Variants in KAZN observed in about 807,000 individuals in gnomAD.
KAZN encodes kazrin, periplakin interacting protein, also known as kazrin.
A neutral mutation model predicts 87.4 loss-of-function variants in KAZN; 40 were observed. That is an observed-to-expected ratio of 0.46 (90% confidence interval 0.36 to 0.60). The LOEUF (loss-of-function observed/expected upper bound fraction) is 0.60. KAZN is among the 20% of genes least tolerant of loss of function. KAZN has a pLI of 0.00. For missense variants in KAZN, 898 were observed against 1,073.9 expected (o/e 0.84, Z 2.29); for synonymous variants, 466 against 458.3 (o/e 1.02, Z -0.22).
intron 13 of KAZN, chr1:15,112,080 G>A: frequency 3.3e-6 from 1 of 299,354 alleles, no homozygotes; most frequent in Non-Finnish European, 6.3e-6. Context: ...AAGGTTCACA[G>A]TACACTGAAG....
intron 1 of KAZN, among the ~76,000 whole-genome samples, chr1:14,123,657 G>A (rs914093683): frequency 1.3e-5 from 2 of 152,168 alleles, no homozygotes; most frequent in South Asian, 2.1e-4. Flanking sequence ...CTGGATGGCC[G>A]CAATCACCTG....
At chr1:14,209,245 G>T (rs1461219299) in intron 2 of KAZN, among the ~76,000 whole-genome samples, 2 of 152,186 alleles carry the variant, frequency 1.3e-5, no homozygotes, top group Non-Finnish European at 2.9e-5. Context: ...TAGTACATCA[G>T]CTCCATTCCA....
At chr1:14,665,132 A>T (rs1034051201) in intron 1 of KAZN, among the ~76,000 whole-genome samples, 2 of 152,082 alleles carry the variant, frequency 1.3e-5, no homozygotes. Flanking sequence ...GGTCCTTTCC[A>T]CTTAGATACC....
intron 1 of KAZN, among the ~76,000 whole-genome samples, chr1:14,705,581 A>G (rs1416087063): frequency 1.3e-5 from 2 of 152,306 alleles, no homozygotes; most frequent in East Asian, 3.9e-4. Context: ...TATATACATA[A>G]TGGAATACTA....
At chr1:14,810,262 A>C (rs1646366146) in intron 1 of KAZN, among the ~76,000 whole-genome samples, 1 of 152,016 alleles carries the variant, frequency 6.6e-6, no homozygotes, top group Non-Finnish European at 1.5e-5. Context: ...TTCCTAAGGG[A>C]GCACCGCACC....
At chr1:14,535,694 T>G in intron 2 of KAZN, among the ~76,000 whole-genome samples, 1 of 151,956 alleles carries the variant, frequency 6.6e-6, no homozygotes, top group South Asian at 2.1e-4. Context: ...AAAAAATAAA[T>G]TTAAAAAAGA....
chr1:14,252,307 C>A (rs1314748110), intron 2 of KAZN, among the ~76,000 whole-genome samples: 1 of 152,164 alleles, frequency 6.6e-6, no homozygotes, highest in East Asian at 1.9e-4. Flanking sequence ...ACTTGGAGTT[C>A]ACACTACCCA....
At chr1:14,173,001 C>G (rs4420076) in intron 1 of KAZN, among the ~76,000 whole-genome samples, 18,684 of 152,118 alleles carry the variant, frequency 0.12, 1,268 homozygotes, top group East Asian at 0.33. Context: ...TGGGCAGAAG[C>G]TGCAAGACCT....
At chr1:14,518,714 C>G (rs956239404) in intron 2 of KAZN, among the ~76,000 whole-genome samples, 1 of 152,232 alleles carries the variant, frequency 6.6e-6, no homozygotes, top group African/African-American at 2.4e-5. Flanking sequence ...CACTACCACA[C>G]TGTGTGTCCT....
intron 1 of KAZN, among the ~76,000 whole-genome samples, chr1:14,073,780 G>A (rs1054408772): frequency 5.1e-4 from 77 of 152,212 alleles, no homozygotes; most frequent in African/African-American, 1.8e-3. Context: ...GTGCCACATT[G>A]TCTTTATCCA....
At chr1:14,417,643 G>A (rs945069258) in intron 2 of KAZN, among the ~76,000 whole-genome samples, 1 of 152,098 alleles carries the variant, frequency 6.6e-6, no homozygotes, top group Non-Finnish European at 1.5e-5. Flanking sequence ...CCCTAGGAAA[G>A]AACAGCCTTG....
At chr1:15,074,577 A>C (rs557140922) in intron 8 of KAZN, among the ~76,000 whole-genome samples, 36 of 152,332 alleles carry the variant, frequency 2.4e-4, no homozygotes, top group Non-Finnish European at 4.9e-4. Context: ...CCCCTTCTGG[A>C]AGTCTATAAG....
chr1:14,225,177 T>G (rs1375991141), intron 2 of KAZN, among the ~76,000 whole-genome samples: 1 of 152,132 alleles, frequency 6.6e-6, no homozygotes, highest in Non-Finnish European at 1.5e-5. Flanking sequence ...AGCTCCTAGA[T>G]CTGATAAATG....
chr1:14,285,840 T>G (rs2100730481), intron 2 of KAZN, among the ~76,000 whole-genome samples: 1 of 152,230 alleles, frequency 6.6e-6, no homozygotes, highest in African/African-American at 2.4e-5. Context: ...GGCATGGTGG[T>G]GTGGGAGATC....
rs370843171 is a variant in KAZN at position 14,887,298 on chromosome 1, T to C, written c.227-73386T>C. Reference sequence around the variant, plus strand: ...CTCCCTGTGCAATGAAGCAAAGACATGGCTAGCTGTGCAGTAGCATTGCCG... The same window carrying C: ...CTCCCTGTGCAATGAAGCAAAGACACGGCTAGCTGTGCAGTAGCATTGCCG... On this transcript the variant is annotated intron_variant, in intron 1 of 14. Coordinates refer to ENST00000376030, the MANE Select transcript of KAZN (RefSeq NM_201628.3). Among the ~76,000 whole-genome samples, 228 of 152,328 alleles carry C rather than the reference T, an allele frequency of 1.5e-3. 8 individuals are homozygous for C. The South Asian group carries it at 0.047, about 31-fold the overall frequency.
chr1:14,760,342 C>A (rs770649251), intron 1 of KAZN, among the ~76,000 whole-genome samples: 1 of 152,196 alleles, frequency 6.6e-6, no homozygotes, highest in African/African-American at 2.4e-5. Context: ...TTATTCAGCA[C>A]TTCAATGTGC....
chr1:14,256,680 C>T (rs11579197), intron 2 of KAZN, among the ~76,000 whole-genome samples: 26,824 of 152,072 alleles, frequency 0.18, 2,782 homozygotes, highest in Middle Eastern at 0.31. Flanking sequence ...TTTAGGTTTC[C>T]CGAGCCTCAG....
At chr1:14,744,946 G>A (rs1182077014) in intron 1 of KAZN, among the ~76,000 whole-genome samples, 1 of 152,170 alleles carries the variant, frequency 6.6e-6, no homozygotes, top group Non-Finnish European at 1.5e-5. Context: ...CCTTGCAGCA[G>A]TGATCCTGCA....
chr1:14,501,088 TAAATAAA>T (rs1276819352), intron 2 of KAZN, among the ~76,000 whole-genome samples: 1 of 22,016 alleles, frequency 4.5e-5, no homozygotes, highest in Non-Finnish European at 9.5e-5. Context: ...AAAAAATAAA[TAAATAAA>T]TAAATAAATA....
Sources: allele counts gnomAD v4.1 joint callset (sites outside exome capture counted in the v4.1 genomes callset), GRCh38; gene constraint gnomAD v4.1.1; transcripts MANE v1.5; gene names NCBI Gene and HGNC (gene_info 2026-07-23, HGNC 2026-07-21).